Variants in THSD7B observed in about 807,000 individuals in gnomAD.
THSD7B encodes thrombospondin type 1 domain containing 7B.
In THSD7B, 138 loss-of-function variants were observed where a neutral mutation model predicts 213.6. That is an observed-to-expected ratio of 0.65 (90% confidence interval 0.56 to 0.74). THSD7B has a LOEUF of 0.74. Among genes scored for constraint, THSD7B ranks in the 30% least tolerant of loss-of-function variants. The pLI, the probability that THSD7B is intolerant of heterozygous loss-of-function variation, is 0.00. For synonymous variants in THSD7B, 742 were observed against 687.0 expected (o/e 1.08, Z -1.25); for missense variants, 1,931 against 1,991.5 (o/e 0.97, Z 0.58).
intron 15 of THSD7B, chr2:137,479,444 A>G: frequency 2.8e-6 from 1 of 355,152 alleles, no homozygotes; most frequent in South Asian, 2.1e-5. Context: ...TGTGGCAGAC[A>G]GGGATGGAGT....
chr2:137,404,900 G>A (rs559322220), intron 12 of THSD7B, among the ~76,000 whole-genome samples: 1 of 152,066 alleles, frequency 6.6e-6, no homozygotes, highest in East Asian at 1.9e-4. Context: ...CAAATATGGT[G>A]CAGTGTACAC....
At chr2:137,017,157 A>AT (rs1372133876) in intron 2 of THSD7B, among the ~76,000 whole-genome samples, 1 of 152,016 alleles carries the variant, frequency 6.6e-6, no homozygotes, top group Non-Finnish European at 1.5e-5. Context: ...AGCTTCTTGC[A>AT]TTTTAGCACT....
At chr2:137,322,045 T>C (rs1398438032) in intron 12 of THSD7B, among the ~76,000 whole-genome samples, 4 of 152,210 alleles carry the variant, frequency 2.6e-5, no homozygotes, top group Admixed American at 6.5e-5. Context: ...TTCTCATATG[T>C]TGGATTAAGC....
At chr2:137,055,559 A>G (rs1687147909) in intron 2 of THSD7B, among the ~76,000 whole-genome samples, 1 of 152,238 alleles carries the variant, frequency 6.6e-6, no homozygotes, top group African/African-American at 2.4e-5. Flanking sequence ...AGATGCAAAA[A>G]ATATGATAAA....
intron 7 of THSD7B, among the ~76,000 whole-genome samples, chr2:137,216,235 C>T (rs915384064): frequency 1.3e-5 from 2 of 151,320 alleles, no homozygotes; most frequent in African/African-American, 4.9e-5. Flanking sequence ...AAAATTCTGC[C>T]AAAAGCAGTT....
chr2:136,886,926 A>G (rs1051209542), intron 2 of THSD7B, among the ~76,000 whole-genome samples: 1 of 152,178 alleles, frequency 6.6e-6, no homozygotes. Flanking sequence ...CTGGAGATAT[A>G]AATTTGAGAG....
intron 7 of THSD7B, among the ~76,000 whole-genome samples, chr2:137,228,729 A>G (rs149172693): frequency 2.7e-4 from 41 of 152,220 alleles, no homozygotes; most frequent in African/African-American, 9.9e-4. Context: ...TCACTAAAAT[A>G]TTTTGTGTTT....
intron 14 of THSD7B, among the ~76,000 whole-genome samples, chr2:137,440,471 T>A (rs960048671): frequency 6.6e-6 from 1 of 151,886 alleles, no homozygotes; most frequent in Admixed American, 6.6e-5. Context: ...CCTTTTTTTT[T>A]TTTAATTGGA....
chr2:137,523,042 C>G (rs959740923), intron 15 of THSD7B, among the ~76,000 whole-genome samples: 1 of 152,082 alleles, frequency 6.6e-6, no homozygotes, highest in Non-Finnish European at 1.5e-5. Context: ...GTTGTAAAGG[C>G]CACAACGTAA....
At chr2:137,163,286 A>G (rs1680054942) in intron 6 of THSD7B, among the ~76,000 whole-genome samples, 1 of 152,162 alleles carries the variant, frequency 6.6e-6, no homozygotes, top group East Asian at 1.9e-4. Context: ...TTCAAATCCC[A>G]ACCCCTGGTA....
intron 1 of THSD7B, among the ~76,000 whole-genome samples, chr2:136,823,555 C>T (rs1402586333): frequency 1.3e-5 from 2 of 151,976 alleles, no homozygotes; most frequent in Non-Finnish European, 2.9e-5. Context: ...ATTGTTTAAA[C>T]TTCTATCTCC....
At chr2:136,993,612 A>G (rs1217286315) in intron 2 of THSD7B, among the ~76,000 whole-genome samples, 2 of 152,236 alleles carry the variant, frequency 1.3e-5, no homozygotes, top group Admixed American at 6.5e-5. Context: ...ATGTGACATT[A>G]CCAAAAGGTT....
chr2:137,448,022 AAGGAAGATGTG>A (rs897410875), intron 14 of THSD7B, among the ~76,000 whole-genome samples: 5 of 152,294 alleles, frequency 3.3e-5, no homozygotes, highest in South Asian at 2.1e-4. Flanking sequence ...TTTTTCTGTA[AAGGAAGATGTG>A]AGGAAGATGT....
intron 2 of THSD7B, among the ~76,000 whole-genome samples, chr2:136,995,049 C>CT (rs2104819278): frequency 6.6e-6 from 1 of 152,276 alleles, no homozygotes; most frequent in East Asian, 1.9e-4. Context: ...AAAAGTGGAG[C>CT]TAAATTTCAG....
chr2:136,907,739 T>A lies in THSD7B; in HGVS notation c.139+25422T>A, dbSNP rs193052732. On this transcript the variant is annotated intron_variant, in intron 2 of 27. Transcript: ENST00000409968. ...AGAGAAGCTGAAGTAATAATTATGG[T>A]CTCAGATACTGACAAATTGGCTTTT... Among the ~76,000 whole-genome samples the A allele has an allele frequency of 9.3e-4, 141 of 152,336 alleles. 1 individual carries two copies. The highest frequency in any genetic ancestry group is 3.7e-4 in the Non-Finnish European group (25 of 68,022).
In THSD7B at chr2:137,117,193, C is replaced by A. The variant is rs940075511; in HGVS notation, c.1369+1900C>A. 1.0e-3 allele frequency among the ~76,000 whole-genome samples: 156 copies of A among 152,238 alleles called. 2 individuals carry two copies. Among genetic ancestry groups the A allele is most frequent in the African/African-American group, 3.7e-3 (152 of 41,536 alleles). On this transcript the variant is annotated intron_variant, in intron 5 of 27. Coordinates refer to ENST00000409968, the MANE Select transcript of THSD7B (RefSeq NM_001316349.2). ...ATTTTGCTCTTGTGTGGAAGTGAAC[C>A]AGCGGGGTTGTTCGCCCATTACTTT...
At chr2:137,337,953 T>G (rs537829473) in intron 12 of THSD7B, among the ~76,000 whole-genome samples, 1 of 152,206 alleles carries the variant, frequency 6.6e-6, no homozygotes, top group Non-Finnish European at 1.5e-5. Context: ...TATATTCTTA[T>G]GAACACTAAT....
chr2:137,346,050 C>T (rs1219961067), intron 12 of THSD7B, among the ~76,000 whole-genome samples: 1 of 151,540 alleles, frequency 6.6e-6, no homozygotes. Flanking sequence ...CCTCCTATGT[C>T]TTCCCTTATC....
At chr2:137,452,767 A>G (rs1455558826) in intron 15 of THSD7B, among the ~76,000 whole-genome samples, 6 of 152,186 alleles carry the variant, frequency 3.9e-5, no homozygotes, top group Admixed American at 3.3e-4. Flanking sequence ...GAGTAAGAAT[A>G]AGATAAAAAT....
Sources: gnomAD v4.1 joint callset for allele counts (sites outside exome capture counted in the v4.1 genomes callset) on GRCh38, gnomAD v4.1.1 for gene constraint, MANE v1.5 for transcripts, NCBI Gene and HGNC (gene_info 2026-07-23, HGNC 2026-07-21) for gene names.